LINGO2: variants seen among roughly 807,000 people sequenced by gnomAD.
The protein encoded by LINGO2 is leucine rich repeat and Ig domain containing 2.
In LINGO2, 14 loss-of-function variants were observed where a neutral mutation model predicts 30.6. That is an observed-to-expected ratio of 0.46 (90% CI 0.30 to 0.72). LINGO2 has a LOEUF of 0.72. Ranked by LOEUF, LINGO2 falls within the 30% of genes least tolerant of loss-of-function variation. The probability of loss-of-function intolerance (pLI) is 0.07; values close to 1 mark genes in which losing one functional copy is unlikely to be tolerated. For synonymous variants in LINGO2, 317 were observed against 288.5 expected, an observed-to-expected ratio of 1.10 and a Z score of -1.00; for missense variants, 729 against 751.7, an observed-to-expected ratio of 0.97 and a Z score of 0.35.
chr9:28,344,239 G>A (rs2134404725), intron 3 of LINGO2, among the ~76,000 whole-genome samples: 1 of 152,184 alleles, frequency 6.6e-6, no homozygotes, highest in African/African-American at 2.4e-5. Flanking sequence ...ATAAGAATGA[G>A]GAGGCAGAAA....
the LINGO2 span, among the ~76,000 whole-genome samples, chr9:28,721,661 G>A: frequency 6.6e-6 from 1 of 152,142 alleles, no homozygotes; most frequent in African/African-American, 2.4e-5. Flanking sequence ...GTCTGTTGGG[G>A]GATGGGGAGA....
chr9:27,963,304 C>G (rs976623429), intron 5 of LINGO2, among the ~76,000 whole-genome samples: 1 of 151,954 alleles, frequency 6.6e-6, no homozygotes, highest in Non-Finnish European at 1.5e-5. Context: ...GAAAGCAAAC[C>G]AAATAAAGGC....
At chr9:28,695,159 G>T in the LINGO2 span, among the ~76,000 whole-genome samples, 1 of 151,796 alleles carries the variant, frequency 6.6e-6, no homozygotes, top group Non-Finnish European at 1.5e-5. Flanking sequence ...TTCATAACTG[G>T]CAGGCTTAGC....
At chr9:27,938,172 C>G in the LINGO2 span, 1 of 152,184 alleles carries the variant, frequency 6.6e-6, no homozygotes, top group African/African-American at 2.4e-5. Context: ...CAGCATCTCT[C>G]TGAGAAAGAG....
intron 1 of LINGO2, among the ~76,000 whole-genome samples, chr9:28,506,463 T>TAC (rs1273172042): frequency 4.8e-4 from 10 of 20,890 alleles, no homozygotes; most frequent in South Asian, 3.6e-3. Flanking sequence ...CACATACACA[T>TAC]ACACACACAC....
At chr9:28,745,609 T>C in the LINGO2 span, among the ~76,000 whole-genome samples, 1 of 152,082 alleles carries the variant, frequency 6.6e-6, no homozygotes, top group Non-Finnish European at 1.5e-5. Flanking sequence ...GGCAAGAATA[T>C]TTTAAAAGGT....
intron 1 of LINGO2, among the ~76,000 whole-genome samples, chr9:28,636,772 G>A (rs1437421324): frequency 6.6e-6 from 1 of 152,078 alleles, no homozygotes; most frequent in Non-Finnish European, 1.5e-5. Flanking sequence ...TCTGTAGGTT[G>A]CCTGTTCACT....
the LINGO2 span, among the ~76,000 whole-genome samples, chr9:29,097,608 T>A: frequency 2.9e-5 from 4 of 139,178 alleles, 1 homozygote. Context: ...ATAATTTTAC[T>A]TAAAATACTG....
At chr9:28,526,396 T>A (rs904810260) in intron 1 of LINGO2, among the ~76,000 whole-genome samples, 2 of 152,166 alleles carry the variant, frequency 1.3e-5, no homozygotes, top group Admixed American at 1.3e-4. Context: ...TACAAGATAC[T>A]CAGAGAGACT....
the LINGO2 span, among the ~76,000 whole-genome samples, chr9:28,835,019 G>C: frequency 6.6e-6 from 1 of 152,244 alleles, no homozygotes; most frequent in East Asian, 1.9e-4. Flanking sequence ...TAGCCAAACA[G>C]GTAGAATTTT....
At chr9:29,001,399 C>T in the LINGO2 span, among the ~76,000 whole-genome samples, 1 of 152,020 alleles carries the variant, frequency 6.6e-6, no homozygotes, top group Admixed American at 6.6e-5. Context: ...TAAGCATATG[C>T]TACTCCTAAC....
exon 6 of LINGO2, chr9:27,950,191 C>T: frequency 1.9e-6 from 3 of 1,614,018 alleles, no homozygotes; most frequent in Non-Finnish European, 2.5e-6. Flanking sequence ...TCATTGTCCC[C>T]CACTTCTAGA....
chr9:28,833,989 A>G, the LINGO2 span, among the ~76,000 whole-genome samples: 26 of 150,360 alleles, frequency 1.7e-4, no homozygotes, highest in East Asian at 4.1e-3. Context: ...GCACAATTTG[A>G]AGCTCCTGGA....
chr9:29,209,383 A>G, the LINGO2 span, among the ~76,000 whole-genome samples: 4 of 152,192 alleles, frequency 2.6e-5, no homozygotes, highest in African/African-American at 4.8e-5. Flanking sequence ...AATAAATGCA[A>G]CAATCTTAGT....
At chr9:29,089,105 T>A in the LINGO2 span, among the ~76,000 whole-genome samples, 1 of 152,008 alleles carries the variant, frequency 6.6e-6, no homozygotes, top group Admixed American at 6.6e-5. Flanking sequence ...ACATCAAAAG[T>A]ATTCATAAAG....
At chr9:28,855,188 T>C in the LINGO2 span, among the ~76,000 whole-genome samples, 1 of 151,950 alleles carries the variant, frequency 6.6e-6, no homozygotes, top group African/African-American at 2.4e-5. Flanking sequence ...CTGATTGCCC[T>C]AGTGCAGACT....
Position 28,262,450 on chromosome 9 carries a change from A to G in LINGO2, c.-87+32758T>C, listed in dbSNP as rs10968421. ...TGGTATTTTAAAATAGAAAGAAAGA[A>G]ACAAATGGACAAAAAAGCCAGATTA... is the stretch of plus-strand genomic sequence containing the variant. On this transcript the variant is annotated intron_variant, in intron 4 of 5. Coordinates refer to ENST00000379992, the Ensembl canonical transcript of LINGO2. Among the ~76,000 whole-genome samples the G allele has an allele frequency of 0.016, 2,416 of 152,020 alleles. 135 individuals are homozygous for G. In the East Asian group the frequency reaches 0.18, roughly 11 times the overall value.
intron 1 of LINGO2, among the ~76,000 whole-genome samples, chr9:28,543,236 A>C (rs1821784095): frequency 1.3e-5 from 2 of 152,082 alleles, no homozygotes; most frequent in African/African-American, 2.4e-5. Context: ...CAGTCCAATA[A>C]ATGTCTATTT....
chr9:27,986,152 G>T (rs1277314261), intron 5 of LINGO2, among the ~76,000 whole-genome samples: 1 of 150,866 alleles, frequency 6.6e-6, no homozygotes, highest in Non-Finnish European at 1.5e-5. Context: ...TTCTGGAGGG[G>T]GAACAGGAGA....
Sources: allele counts gnomAD v4.1 joint callset (sites outside exome capture counted in the v4.1 genomes callset), GRCh38; gene constraint gnomAD v4.1.1; transcripts MANE v1.5; gene names NCBI Gene and HGNC (gene_info 2026-07-23, HGNC 2026-07-21).